Variants in EFR3A observed in about 807,000 individuals in gnomAD.
EFR3A encodes the protein EFR3 homolog A.
Under a neutral mutation model 104.4 loss-of-function variants are expected in EFR3A, and 76 were observed. That is an observed-to-expected ratio of 0.73 (90% CI 0.60 to 0.88). EFR3A has a LOEUF of 0.88. Among genes scored for constraint, EFR3A ranks in the 40% least tolerant of loss-of-function variants. The probability of loss-of-function intolerance (pLI) is 0.00; values close to 1 mark genes in which losing one functional copy is unlikely to be tolerated. For missense variants in EFR3A, 985 were observed against 1,012.5 expected (o/e 0.97, Z 0.37); for synonymous variants, 330 against 330.0 (o/e 1.00, Z 0.00).
Position 131,957,613 on chromosome 8 carries a change from G to A in EFR3A, c.776+1708G>A, listed in dbSNP as rs1442778742. The stretch of plus-strand genomic sequence containing the variant: ...GATCTGCCTGCCTTGGCATCCCATA[G>A]TGCTGGGATTACAGGCATGAGCCAC... On this transcript the variant is annotated intron_variant, in intron 7 of 22. Transcript: ENST00000254624. Among the ~76,000 whole-genome samples the A allele has an allele frequency of 2.6e-5, 4 of 152,168 alleles. No homozygotes were observed. In the East Asian group the frequency reaches 7.7e-4, roughly 29 times the overall value.
intron 22 of EFR3A, among the ~76,000 whole-genome samples, chr8:132,008,895 T>C (rs966199666): frequency 2.0e-5 from 3 of 149,202 alleles, no homozygotes; most frequent in African/African-American, 7.4e-5. Context: ...ATTATCTCTA[T>C]TGGGCTGTGA....
Position 132,012,706 on chromosome 8 carries a change from A to G in EFR3A, c.*1811A>G, listed in dbSNP as rs1449166415. ...AACAATCATCATCCACTTGGATGTC[A>G]TTTTATAGATTAACACTGTGTGCTT... On this transcript the variant is annotated 3_prime_UTR_variant, in exon 23 of 23. Coordinates refer to ENST00000254624, the MANE Select transcript of EFR3A (RefSeq NM_015137.6). The G allele has an allele frequency of 6.6e-6, 1 of 152,506 alleles. No individual in the cohort carries two copies. Among genetic ancestry groups the G allele is most frequent in the Non-Finnish European group, 1.5e-5 (1 of 67,998 alleles). The allele number at this position is 152,506 out of a possible 1,614,324, so 9.4% of individuals were successfully genotyped here.
chr8:131,924,815 A>G (rs888433467), intron 1 of EFR3A, among the ~76,000 whole-genome samples: 2 of 152,116 alleles, frequency 1.3e-5, no homozygotes, highest in African/African-American at 2.4e-5. Flanking sequence ...CGTCTTTTAC[A>G]TCTTCTAAGA....
chr8:131,953,713 A>C, intron 5 of EFR3A, 105 bp from the exon 6 acceptor site: 2 of 1,033,050 alleles, frequency 1.9e-6, no homozygotes, highest in Non-Finnish European at 2.6e-6. Flanking sequence ...TTTTATTGAT[A>C]AGATAACAGT....
At chr8:131,924,769 G>A (rs10435559) in intron 1 of EFR3A, among the ~76,000 whole-genome samples, 1 of 150,942 alleles carries the variant, frequency 6.6e-6, no homozygotes, top group Non-Finnish European at 1.5e-5. Flanking sequence ...AGAAATAGTC[G>A]GTTCTACTCA....
intron 13 of EFR3A, 47 bp downstream of exon 13, chr8:131,979,066 G>A (rs766074517): frequency 1.3e-6 from 2 of 1,510,602 alleles, no homozygotes; most frequent in South Asian, 2.7e-5. Context: ...TTTTTAAATT[G>A]CTAAATTAGT....
intron 19 of EFR3A, among the ~76,000 whole-genome samples, chr8:131,998,069 A>G (rs1821585066): frequency 6.6e-6 from 1 of 152,098 alleles, no homozygotes; most frequent in Admixed American, 6.5e-5. Flanking sequence ...TGAAAAGTTA[A>G]GTACAGTTTA....
chr8:131,987,582 A>T lies in EFR3A; in HGVS notation c.1945A>T (p.Lys649Ter). 1.3e-6 allele frequency: 2 copies of T among 1,592,670 alleles called. No homozygotes were observed. The highest frequency in any genetic ancestry group is 1.7e-6 in the Non-Finnish European group (2 of 1,169,412). Residue 649 changes from lysine to a stop codon, truncating the protein, a stop_gained, in exon 18 of 23, where the codon AAA becomes TAA. Transcript: ENST00000254624. LOFTEE classifies it high-confidence loss of function. ...TTTTGATGAACTTCGCAGGCTTCCA[A>T]AATCTTTAGAGAAGCATGAAAAAGA... ...HIFRDKCMLP[K>*]SLEKHEKDLY...
At chr8:131,931,920 T>G (rs150468021) in intron 1 of EFR3A, among the ~76,000 whole-genome samples, 15 of 152,138 alleles carry the variant, frequency 9.9e-5, no homozygotes, top group African/African-American at 3.6e-4. Context: ...GGAGAATAAG[T>G]AGGATTATCC....
At chr8:131,946,244 TAAG>T (rs1402044538) in intron 3 of EFR3A, among the ~76,000 whole-genome samples, 6 of 152,048 alleles carry the variant, frequency 3.9e-5, no homozygotes, top group Admixed American at 6.6e-5. Flanking sequence ...CTCACATAGT[TAAG>T]GAGAAAATGG....
chr8:131,968,231 C>G, intron 8 of EFR3A, 64 bp from the exon 9 acceptor site: 1 of 1,492,522 alleles, frequency 6.7e-7, no homozygotes. Context: ...TTTTTTTATT[C>G]TTAGGAATTC....
chr8:131,957,139 C>T (rs1819043737), intron 7 of EFR3A, among the ~76,000 whole-genome samples: 1 of 152,098 alleles, frequency 6.6e-6, no homozygotes, highest in Non-Finnish European at 1.5e-5. Flanking sequence ...TGTGATTACA[C>T]ATTAACCATT....
At chr8:131,916,289 A>T (rs78841578) in intron 1 of EFR3A, among the ~76,000 whole-genome samples, 4,139 of 152,314 alleles carry the variant, frequency 0.027, 103 homozygotes, top group African/African-American at 0.061. Flanking sequence ...TGGTTGTAGG[A>T]AGGACTGCAG....
chr8:131,984,228 T>A lies in EFR3A; in HGVS notation c.1665T>A (p.Leu555=), dbSNP rs752821039. The change falls in exon 15 of 23, where the codon CTT becomes CTA. Residue 555 remains leucine (L), a synonymous_variant. Coordinates refer to ENST00000254624, the MANE Select transcript of EFR3A (RefSeq NM_015137.6). The part of the protein sequence containing the change: ...QKNYELLYTS[L]ALITIELANE... ...ACTATGAACTACTTTATACTTCTCT[T>A]GCTCTTATAACTATTGAACTGGCTA... is the stretch of plus-strand genomic sequence containing the variant. 1 of 1,611,692 alleles carries A rather than the reference T, an allele frequency of 6.2e-7. No individual in the cohort carries two copies. Among genetic ancestry groups the A allele is most frequent in the Non-Finnish European group, 8.5e-7 (1 of 1,178,790 alleles).
At chr8:131,957,350 C>CT (rs1185442281) in intron 7 of EFR3A, among the ~76,000 whole-genome samples, 3,763 of 125,908 alleles carry the variant, frequency 0.03, 110 homozygotes, top group African/African-American at 0.063. Context: ...GGGCCAGGGT[C>CT]TTTTTTTTTT....
intron 2 of EFR3A, 160 bp downstream of exon 2, chr8:131,940,735 A>G (rs951921122): frequency 1.6e-5 from 19 of 1,214,040 alleles, no homozygotes; most frequent in Admixed American, 3.2e-5. Context: ...CTCTTAAATG[A>G]CCCATGCTTG....
intron 11 of EFR3A, 40 bp downstream of exon 11, chr8:131,976,181 T>TA (rs1293726394): frequency 7.8e-7 from 1 of 1,274,918 alleles, no homozygotes; most frequent in Non-Finnish European, 1.1e-6. Context: ...AATCTTGAGT[T>TA]ACATTTTATC....
At chr8:131,920,730 T>C (rs1816972902) in intron 1 of EFR3A, among the ~76,000 whole-genome samples, 1 of 151,666 alleles carries the variant, frequency 6.6e-6, no homozygotes, top group African/African-American at 2.4e-5. Context: ...GGCAGTATAG[T>C]GTATAGTGTT....
At position 131,950,068 on chromosome 8, in the gene EFR3A, A is replaced by T; in HGVS notation, c.466A>T (p.Ser156Cys). Residue 156 changes from serine (S) to cysteine (C), a missense_variant, in exon 5 of 23, where the codon AGT becomes TGT. By Grantham distance (112) the Ser-to-Cys change is moderately radical. Transcript: ENST00000254624. ...CAGTGCCATGTGCCATTCCTGTCAT[A>T]GTGATCCAGAAATACGAACAGAGTA... Reference protein sequence around the residue: ...RFSAMCHSCHSDPEIRTEIRI... With the variant: ...RFSAMCHSCHCDPEIRTEIRI... 1.2e-6 allele frequency: 2 copies of T among 1,609,738 alleles called. No homozygotes were observed. Among genetic ancestry groups the T allele is most frequent in the Non-Finnish European group, 8.5e-7 (1 of 1,177,660 alleles).
Sources: gnomAD v4.1 joint callset for allele counts (sites outside exome capture counted in the v4.1 genomes callset) on GRCh38, gnomAD v4.1.1 for gene constraint, MANE v1.5 for transcripts, NCBI Gene and HGNC (gene_info 2026-07-23, HGNC 2026-07-21) for gene names.